PRKCQ: variants seen among roughly 807,000 people sequenced by gnomAD.
PRKCQ encodes protein kinase C theta type.
PRKCQ carries 41 observed loss-of-function variants against 91.2 expected under a neutral mutation model. That is an observed-to-expected ratio of 0.45 (90% CI 0.35 to 0.58). The LOEUF is 0.58. Among genes scored for constraint, PRKCQ ranks in the 20% least tolerant of loss-of-function variants. The pLI, the probability that PRKCQ is intolerant of heterozygous loss-of-function variation, is 0.00. For synonymous variants in PRKCQ, 307 were observed against 316.9 expected, an observed-to-expected ratio of 0.97 and a Z score of 0.33; for missense variants, 673 against 896.5, an observed-to-expected ratio of 0.75 and a Z score of 3.18.
chr10:6,408,924 A>G, the PRKCQ span, among the ~76,000 whole-genome samples: 1 of 152,236 alleles, frequency 6.6e-6, no homozygotes, highest in African/African-American at 2.4e-5. Flanking sequence ...GAGCATGTTC[A>G]GATTCAGTTT....
At chr10:6,457,244 C>T (rs938851052) in intron 14 of PRKCQ, among the ~76,000 whole-genome samples, 7 of 152,322 alleles carry the variant, frequency 4.6e-5, no homozygotes, top group East Asian at 3.9e-4. Context: ...CCTTGAGAAC[C>T]GGAATCCATC....
chr10:6,457,245 G>A (rs1055931887), intron 14 of PRKCQ, among the ~76,000 whole-genome samples: 6 of 152,136 alleles, frequency 3.9e-5, no homozygotes, highest in Non-Finnish European at 7.3e-5. Context: ...CTTGAGAACC[G>A]GAATCCATCC....
At chr10:6,424,075 C>A (rs1833064246), downstream of PRKCQ, among the ~76,000 whole-genome samples, 2 of 152,088 alleles carry the variant, frequency 1.3e-5, no homozygotes, top group African/African-American at 4.8e-5. Flanking sequence ...ATCACTGTCA[C>A]TCTAGGGCTT....
At chr10:6,472,908 T>C (rs1836068340) in intron 12 of PRKCQ, among the ~76,000 whole-genome samples, 1 of 152,298 alleles carries the variant, frequency 6.6e-6, no homozygotes, top group African/African-American at 2.4e-5. Context: ...AGACAGAGTT[T>C]CGCCATGTTG....
intron 12 of PRKCQ, among the ~76,000 whole-genome samples, chr10:6,464,756 A>G (rs1835553478): frequency 6.6e-6 from 1 of 152,196 alleles, no homozygotes; most frequent in Non-Finnish European, 1.5e-5. Flanking sequence ...TCACAGTTCC[A>G]ATTTTTAGCT....
intron 12 of PRKCQ, among the ~76,000 whole-genome samples, chr10:6,470,724 G>T (rs933793775): frequency 6.6e-6 from 1 of 152,088 alleles, no homozygotes; most frequent in Non-Finnish European, 1.5e-5. Context: ...CCTGAGGTGG[G>T]TGGATCACTA....
intron 15 of PRKCQ, among the ~76,000 whole-genome samples, chr10:6,448,654 G>A (rs1266842760): frequency 4.6e-5 from 7 of 152,076 alleles, no homozygotes; most frequent in Non-Finnish European, 8.8e-5. Flanking sequence ...TGATCCACCC[G>A]CCTCAGCCTA....
the PRKCQ span, among the ~76,000 whole-genome samples, chr10:6,404,590 TTTTTC>T: frequency 2.5e-3 from 371 of 149,322 alleles, 5 homozygotes; most frequent in African/African-American, 6.9e-3. Flanking sequence ...TTTCTTTCTT[TTTTTC>T]TCTCTCTCTT....
chr10:6,544,900 G>A lies in PRKCQ; in HGVS notation c.-9-29756C>T, dbSNP rs146357912. On this transcript the variant is annotated intron_variant, in intron 1 of 17. Transcript: ENST00000263125. ...CTCCCAAAGTGCTGGGATTACAGGC[G>A]TGAGCCACTGCGCCCAGACCCACAT... Among the ~76,000 whole-genome samples the A allele has an allele frequency of 9.0e-3, 1,363 of 151,972 alleles. 18 individuals are homozygous for A. The highest frequency in any genetic ancestry group is 0.031 in the African/African-American group (1,278 of 41,486).
intron 12 of PRKCQ, among the ~76,000 whole-genome samples, chr10:6,474,826 A>G (rs537047708): frequency 6.6e-6 from 1 of 152,296 alleles, no homozygotes; most frequent in South Asian, 2.1e-4. Flanking sequence ...TTTAAAATGT[A>G]AGTAATGGAA....
In PRKCQ at chr10:6,515,104, T is replaced by C. The variant is rs745547935; in HGVS notation, c.32A>G (p.Asn11Ser). The C allele has an allele frequency of 3.1e-6, 5 of 1,613,554 alleles. No homozygotes were observed. The Admixed American group carries it at 6.7e-5, about 22-fold the overall frequency. MSPFLRIGLS[N>S]FDCGSCQSCQ... is the part of the protein sequence containing the mutation. The stretch of plus-strand genomic sequence containing the variant: ...AGACTGGCAGGACCCGCAGTCAAAG[T>C]TGGACAAGCCAATCCGAAGAAATGG... The change falls in exon 2 of 18, where the codon AAC becomes AGC. Residue 11 changes from asparagine (N) to serine (S), a missense_variant. By Grantham distance (46) the Asn-to-Ser change is conservative. Transcript: ENST00000263125.
At chr10:6,518,686 T>TG (rs1218877637) in intron 1 of PRKCQ, among the ~76,000 whole-genome samples, 2 of 151,692 alleles carry the variant, frequency 1.3e-5, no homozygotes, top group African/African-American at 4.8e-5. Flanking sequence ...CCAGGCATGG[T>TG]GGGGGGCACC....
chr10:6,571,943 C>T (rs1339593879), intron 1 of PRKCQ, among the ~76,000 whole-genome samples: 1 of 152,220 alleles, frequency 6.6e-6, no homozygotes, highest in East Asian at 1.9e-4. Context: ...AATACCACCA[C>T]ATCAGAAGCC....
At chr10:6,443,784 A>C (rs1259210487) in intron 15 of PRKCQ, among the ~76,000 whole-genome samples, 1 of 152,194 alleles carries the variant, frequency 6.6e-6, no homozygotes, top group African/African-American at 2.4e-5. Flanking sequence ...CATTATGCTA[A>C]GTGAAGTAAG....
intron 4 of PRKCQ, among the ~76,000 whole-genome samples, chr10:6,499,286 T>C (rs951140915): frequency 5.9e-5 from 9 of 152,258 alleles, no homozygotes; most frequent in African/African-American, 2.2e-4. Flanking sequence ...CTATTCATTT[T>C]ACTCTGGGCT....
chr10:6,562,362 G>A (rs1840667714), intron 1 of PRKCQ, among the ~76,000 whole-genome samples: 2 of 152,154 alleles, frequency 1.3e-5, no homozygotes, highest in Admixed American at 6.5e-5. Flanking sequence ...TAAACACCAG[G>A]AGGAATGTTC....
At chr10:6,426,794 T>A (rs1833134573), downstream of PRKCQ, among the ~76,000 whole-genome samples, 1 of 152,256 alleles carries the variant, frequency 6.6e-6, no homozygotes, top group Non-Finnish European at 1.5e-5. Flanking sequence ...TTGCTTTTCT[T>A]ACAATTGCCT....
chr10:6,514,972 G>C, intron 2 of PRKCQ, 46 bp downstream of exon 2: 1 of 1,611,200 alleles, frequency 6.2e-7, no homozygotes, highest in Non-Finnish European at 8.5e-7. Flanking sequence ...GTTCATAGCA[G>C]GATTCTCCTC....
chr10:6,531,976 C>A (rs1839414681), intron 1 of PRKCQ, among the ~76,000 whole-genome samples: 1 of 152,154 alleles, frequency 6.6e-6, no homozygotes, highest in African/African-American at 2.4e-5. Flanking sequence ...TCTCCCAGCG[C>A]CTCCCTCGGT....
Sources: gnomAD v4.1 joint callset for allele counts (sites outside exome capture counted in the v4.1 genomes callset) on GRCh38, gnomAD v4.1.1 for gene constraint, MANE v1.5 for transcripts, NCBI Gene and HGNC (gene_info 2026-07-23, HGNC 2026-07-21) for gene names.